Variants in NRG2 observed in about 807,000 individuals in gnomAD.
The protein encoded by NRG2 is pro-neuregulin-2, membrane-bound isoform.
NRG2 carries 27 observed loss-of-function variants against 73.9 expected under a neutral mutation model. That is an observed-to-expected ratio of 0.37 (90% confidence interval 0.27 to 0.50). The LOEUF is 0.50. Among genes scored for constraint, NRG2 ranks in the 20% least tolerant of loss-of-function variants. The pLI, the probability that NRG2 is intolerant of heterozygous loss-of-function variation, is 0.96. For synonymous variants in NRG2, 532 were observed against 541.0 expected, an observed-to-expected ratio of 0.98 and a Z score of 0.23; for missense variants, 1,126 against 1,210.1, an observed-to-expected ratio of 0.93 and a Z score of 1.03.
rs1316629075 is a variant in NRG2 at position 139,904,701 on chromosome 5, AG to A, written c.701-17191del. Reference sequence around the variant, plus strand: ...GGCGCCACAGACCTCCTCGCCGAAGAGGGGGCTTGAGCTGGGCTGGGGGCCT... The same window carrying A: ...GGCGCCACAGACCTCCTCGCCGAAGAGGGGCTTGAGCTGGGCTGGGGGCCT... On this transcript the variant is annotated intron_variant, in intron 1 of 9. Coordinates refer to ENST00000361474, the MANE Select transcript of NRG2 (RefSeq NM_004883.3). The surrounding 1 kb of genome is among the most constrained non-coding windows in gnomAD (Gnocchi z 6.0). Among the ~76,000 whole-genome samples, 1 of 151,940 alleles carries A rather than the reference AG, an allele frequency of 6.6e-6. No homozygotes were observed. Among genetic ancestry groups the A allele is most frequent in the Non-Finnish European group, 1.5e-5 (1 of 67,956 alleles).
At chr5:140,029,365 C>T (rs1012179864) in intron 1 of NRG2, among the ~76,000 whole-genome samples, 5 of 152,208 alleles carry the variant, frequency 3.3e-5, no homozygotes, top group African/African-American at 1.2e-4. Flanking sequence ...GTAATTGCAG[C>T]TAGCCTGCAT....
chr5:139,892,280 C>T (rs1764261819), intron 1 of NRG2, among the ~76,000 whole-genome samples: 1 of 152,224 alleles, frequency 6.6e-6, no homozygotes, highest in Non-Finnish European at 1.5e-5. Context: ...TTGAGGTGAC[C>T]TCCCCAAGAT....
intron 1 of NRG2, among the ~76,000 whole-genome samples, chr5:139,926,168 T>G (rs1752045149): frequency 6.6e-6 from 1 of 152,176 alleles, no homozygotes; most frequent in Non-Finnish European, 1.5e-5. Context: ...ACGCGAAGAT[T>G]TGCTTCTTTG....
rs184071060 is a variant in NRG2, at chr5:139,965,530, C to T, written c.700+76840G>A. Among the ~76,000 whole-genome samples the T allele has an allele frequency of 5.8e-4, 89 of 152,338 alleles. 1 individual carries two copies. The highest frequency in any genetic ancestry group is 5.9e-5 in the Non-Finnish European group (4 of 68,036). ...CAGGAGGCCGTGGCTTTCATGCCAC[C>T]ACACAGCAGTGCTGCTGATGCTCCA... On this transcript the variant is annotated intron_variant, in intron 1 of 9. Coordinates refer to ENST00000361474, the MANE Select transcript of NRG2 (RefSeq NM_004883.3).
In NRG2 at chr5:139,848,418, G is replaced by C. The variant is rs1761164643; in HGVS notation, c.2052C>G (p.Pro684=). The C allele has an allele frequency of 1.6e-6, 2 of 1,284,002 alleles. No individual in the cohort carries two copies. The highest frequency in any genetic ancestry group is 2.0e-6 in the Non-Finnish European group (2 of 1,024,088). 79.5% of individuals were successfully genotyped at this position (1,284,002 alleles called of 1,614,324 possible). ...GCGCGCAGGTCCCGCGCCGCGGTCCGGGCCCCGCCGCGGGGTAATAGTAGC... is the reference window on the plus strand; with the variant it reads ...GCGCGCAGGTCCCGCGCCGCGGTCCCGGCCCCGCCGCGGGGTAATAGTAGC... ...YDSYYYPAAG[P]GPRRGTCALG... The change falls in exon 10 of 10, where the codon CCC becomes CCG. Residue 684 remains proline (P), a synonymous_variant. Transcript: ENST00000361474.
chr5:139,922,202 C>T (rs1751724241), intron 1 of NRG2, among the ~76,000 whole-genome samples: 1 of 151,532 alleles, frequency 6.6e-6, no homozygotes, highest in African/African-American at 2.4e-5. Flanking sequence ...CCAAAACATA[C>T]ACACCTAATG....
intron 1 of NRG2, among the ~76,000 whole-genome samples, chr5:140,023,119 C>G (rs892422565): frequency 2.0e-5 from 3 of 152,180 alleles, no homozygotes; most frequent in Non-Finnish European, 4.4e-5. Flanking sequence ...AAAGTATTTG[C>G]AAACATTCCT....
In NRG2 at chr5:140,043,162, T is replaced by C; in HGVS notation, c.-93A>G. ...CTGGAAAACCGGAAACAGCGTAACG[T>C]TAGCGCCTCTTAGCCCTCCACCGGC... On this transcript the variant is annotated 5_prime_UTR_variant, in exon 1 of 10. Coordinates refer to ENST00000361474, the MANE Select transcript of NRG2 (RefSeq NM_004883.3). This position sits in a 1 kb window ranked among gnomAD's most constrained non-coding sequence, Gnocchi z 6.7. 5 of 1,387,626 alleles carry C rather than the reference T, an allele frequency of 3.6e-6. No individual in the cohort carries two copies. Among genetic ancestry groups the C allele is most frequent in the Non-Finnish European group, 4.8e-6 (5 of 1,039,638 alleles). The allele number at this position is 1,387,626 out of a possible 1,614,324, so 86.0% of individuals were successfully genotyped here.
In NRG2 at chr5:140,042,794, G is replaced by A. The variant is rs933059958; in HGVS notation, c.276C>T (p.Gly92=). 7 of 1,508,738 alleles carry A rather than the reference G, an allele frequency of 4.6e-6. No individual in the cohort carries two copies. The highest frequency in any genetic ancestry group is 4.3e-5 in the African/African-American group (3 of 69,792). 93.5% of individuals were successfully genotyped at this position (1,508,738 alleles called of 1,614,324 possible). The change falls in exon 1 of 10, where the codon GGC becomes GGT. Residue 92 remains glycine (G), a synonymous_variant. Coordinates refer to ENST00000361474, the MANE Select transcript of NRG2 (RefSeq NM_004883.3). ...AARSRAAAAG[G]MRRDPAPGFS... is the part of the protein sequence containing the mutation. ...AGCCGGGGGCCGGGTCGCGCCTCAT[G>A]CCGCCGGCGGCTGCGGCTCGCGAAC...
intron 1 of NRG2, among the ~76,000 whole-genome samples, chr5:140,017,931 AGT>A (rs1759926736): frequency 6.6e-6 from 1 of 152,186 alleles, no homozygotes; most frequent in Non-Finnish European, 1.5e-5. Context: ...CACAGGACAT[AGT>A]GGGAGGACTG....
intron 1 of NRG2, among the ~76,000 whole-genome samples, chr5:140,039,227 A>G (rs1393236198): frequency 6.6e-6 from 1 of 152,212 alleles, no homozygotes; most frequent in African/African-American, 2.4e-5. Context: ...AAACAACAAG[A>G]TAGGGTGTAA....
chr5:139,991,284 A>AT (rs1404195223), intron 1 of NRG2, among the ~76,000 whole-genome samples: 3 of 152,102 alleles, frequency 2.0e-5, no homozygotes, highest in Non-Finnish European at 4.4e-5. Flanking sequence ...TCAAAAAAAA[A>AT]CAAAATTCTC....
chr5:139,873,234 C>T (rs899106393), intron 3 of NRG2, among the ~76,000 whole-genome samples: 4 of 152,180 alleles, frequency 2.6e-5, no homozygotes, highest in African/African-American at 9.7e-5. Flanking sequence ...GCTGGCATCC[C>T]GGAGCCCCAC....
intron 1 of NRG2, among the ~76,000 whole-genome samples, chr5:139,992,480 T>C (rs1757708667): frequency 6.6e-6 from 1 of 152,186 alleles, no homozygotes; most frequent in African/African-American, 2.4e-5. Context: ...TTTCTTTTTC[T>C]TGTCTTTTTG....
chr5:140,022,351 C>A (rs1018869369), intron 1 of NRG2, among the ~76,000 whole-genome samples: 7 of 152,346 alleles, frequency 4.6e-5, no homozygotes, highest in Non-Finnish European at 8.8e-5. Context: ...TCCTCCCTCT[C>A]TCCTTCCTTA....
intron 1 of NRG2, among the ~76,000 whole-genome samples, chr5:139,922,177 C>A (rs773662034): frequency 6.6e-6 from 1 of 151,874 alleles, no homozygotes; most frequent in Admixed American, 6.6e-5. Context: ...AAGGACACAT[C>A]TAATAAATTT....
At chr5:139,957,522 T>C (rs1754729266) in intron 1 of NRG2, among the ~76,000 whole-genome samples, 1 of 152,172 alleles carries the variant, frequency 6.6e-6, no homozygotes, top group South Asian at 2.1e-4. Flanking sequence ...ATGGGTCTAG[T>C]AGACTAGATC....
chr5:140,034,758 G>A (rs908752745), intron 1 of NRG2, among the ~76,000 whole-genome samples: 1 of 151,956 alleles, frequency 6.6e-6, no homozygotes, highest in African/African-American at 2.4e-5. Context: ...AACATGAATA[G>A]AATACCATAG....
At position 139,910,504 on chromosome 5, in the gene NRG2, AAAAC is replaced by A. The variant is rs577987365; in HGVS notation, c.701-22997_701-22994del. On this transcript the variant is annotated intron_variant, in intron 1 of 9. Transcript: ENST00000361474. ...AAGACTTAGTTTCCCCTTCAAAACAAAAACAAACAAACAAAAAATGGGCCCACAG... is the reference window on the plus strand; with the variant it reads ...AAGACTTAGTTTCCCCTTCAAAACAAAAACAAACAAAAAATGGGCCCACAG... 2.5e-3 allele frequency among the ~76,000 whole-genome samples: 388 copies of A among 152,352 alleles called. 3 individuals carry two copies. The highest frequency in any genetic ancestry group is 8.9e-3 in the African/African-American group (368 of 41,580).
Sources: gnomAD v4.1 joint callset for allele counts (sites outside exome capture counted in the v4.1 genomes callset) on GRCh38, gnomAD v4.1.1 for gene constraint, Gnocchi (gnomAD v3.1) non-coding constraint, MANE v1.5 for transcripts, NCBI Gene and HGNC (gene_info 2026-07-23, HGNC 2026-07-21) for gene names.